Variants in ZNF195 observed in about 807,000 individuals in gnomAD.
The protein encoded by ZNF195 is zinc finger protein 195.
ZNF195 carries 11 observed loss-of-function variants against 19.5 expected under a neutral mutation model. That is an observed-to-expected ratio of 0.57 (90% confidence interval 0.36 to 0.94). ZNF195 has a LOEUF of 0.94. Ranked by LOEUF, ZNF195 falls within the 40% of genes least tolerant of loss-of-function variation. The probability of loss-of-function intolerance (pLI) is 0.01; values close to 1 mark genes in which losing one functional copy is unlikely to be tolerated. For synonymous variants in ZNF195, 214 were observed against 248.1 expected (o/e 0.86, Z 1.29); for missense variants, 582 against 709.0 (o/e 0.82, Z 2.03).
In ZNF195 at chr11:3,370,624, C is replaced by A. The variant is rs149578561; in HGVS notation, c.226+351G>T. On this transcript the variant is annotated intron_variant, in intron 3 of 5. Coordinates refer to ENST00000399602, the MANE Select transcript of ZNF195 (RefSeq NM_001130520.3). ...ACTTCAGACATGATGCAAAGGAAAT[C>A]AAAAAACATTTAACAGAGTTCCTCA... is the stretch of plus-strand genomic sequence containing the variant. 6.6e-3 allele frequency among the ~76,000 whole-genome samples: 1,001 copies of A among 152,290 alleles called. 5 individuals carry two copies. Among genetic ancestry groups the A allele is most frequent in the Middle Eastern group, 0.054 (16 of 294 alleles).
chr11:3,378,897 C>G (rs1457728629), intron 1 of ZNF195, 141 bp downstream of exon 1: 3 of 1,097,856 alleles, frequency 2.7e-6, no homozygotes, highest in East Asian at 3.2e-5. Flanking sequence ...GCGCGGGGCC[C>G]GGCCGCCATG....
chr11:3,370,483 A>C (rs1336521134), intron 3 of ZNF195, among the ~76,000 whole-genome samples: 1 of 152,248 alleles, frequency 6.6e-6, no homozygotes, highest in Non-Finnish European at 1.5e-5. Context: ...ACATTTCTGT[A>C]GACTCCCATT....
chr11:3,360,878 T>C (rs2134688344), intron 4 of ZNF195, 90 bp from the exon 5 acceptor site: 11 of 1,115,450 alleles, frequency 9.9e-6, no homozygotes, highest in African/African-American at 1.6e-5. Context: ...CCTTTAAGAG[T>C]ACACCCTCAG....
intron 3 of ZNF195, among the ~76,000 whole-genome samples, chr11:3,363,542 T>C (rs1419084211): frequency 6.6e-6 from 1 of 152,250 alleles, no homozygotes; most frequent in African/African-American, 2.4e-5. Flanking sequence ...CATTTGAGCA[T>C]GCTCTTGTTC....
intron 2 of ZNF195, 104 bp from the exon 3 acceptor site, chr11:3,371,174 T>A: frequency 9.0e-7 from 1 of 1,110,776 alleles, no homozygotes; most frequent in Non-Finnish European, 1.3e-6. Context: ...TCTAGAAAAT[T>A]AATCCCAAAA....
intron 3 of ZNF195, 172 bp downstream of exon 3, chr11:3,370,803 T>A (rs1172089923): frequency 6.9e-6 from 4 of 583,468 alleles, no homozygotes; most frequent in Non-Finnish European, 1.2e-5. Context: ...ATACAAAATT[T>A]GAGAGAATGA....
chr11:3,366,931 G>A (rs781351105), intron 3 of ZNF195: 28 of 454,042 alleles, frequency 6.2e-5, no homozygotes, highest in African/African-American at 1.2e-4. Context: ...TGGGTGTGGC[G>A]GTGTGCCCCT....
intron 3 of ZNF195, among the ~76,000 whole-genome samples, chr11:3,364,463 TATA>T (rs1848771125): frequency 6.6e-6 from 1 of 151,928 alleles, no homozygotes; most frequent in Non-Finnish European, 1.5e-5. Flanking sequence ...AAAATTCTGC[TATA>T]ATATCTGAAA....
intron 3 of ZNF195, chr11:3,367,183 A>G: frequency 3.9e-6 from 1 of 258,184 alleles, no homozygotes; most frequent in Non-Finnish European, 8.0e-6. Context: ...CTTAGAAGAG[A>G]TATTTGCACA....
At position 3,360,258 on chromosome 11, in the gene ZNF195, G is replaced by A. The variant is rs1848563872; in HGVS notation, c.750C>T (p.Gly250=). ...GEKPFKCQEC[G]KSFQMLSFLT... ...GGAATGAGAGCATTTGAAAGGATTTGCCACATTCTTGACATTTGAAAGGTT... is the reference window on the plus strand; with the variant it reads ...GGAATGAGAGCATTTGAAAGGATTTACCACATTCTTGACATTTGAAAGGTT... Residue 250 remains glycine, a synonymous_variant, in exon 6 of 6, where the codon GGC becomes GGT. Coordinates refer to ENST00000399602, the MANE Select transcript of ZNF195 (RefSeq NM_001130520.3). The A allele has an allele frequency of 6.2e-7, 1 of 1,613,776 alleles. No homozygotes were observed. The highest frequency in any genetic ancestry group is 8.5e-7 in the Non-Finnish European group (1 of 1,179,838).
At chr11:3,362,100 A>G (rs1209142107) in intron 3 of ZNF195, 5 of 394,142 alleles carry the variant, frequency 1.3e-5, no homozygotes, top group Admixed American at 5.8e-5. Context: ...ATTGGATGAG[A>G]TAGTCTAATT....
chr11:3,377,776 C>G (rs888946321), intron 1 of ZNF195: 2 of 1,022,254 alleles, frequency 2.0e-6, no homozygotes, highest in South Asian at 7.3e-5. Context: ...GGTGGGCATC[C>G]TGTGTTATCC....
intron 3 of ZNF195, among the ~76,000 whole-genome samples, chr11:3,369,901 T>C (rs1193243680): frequency 1.3e-5 from 2 of 152,252 alleles, no homozygotes; most frequent in East Asian, 3.8e-4. Flanking sequence ...GGTAATTACG[T>C]GAAGTGATAG....
In ZNF195 at chr11:3,371,010, T is replaced by C. The variant is rs776858832; in HGVS notation, c.191A>G (p.Asn64Ser). ...GTCTGCTGCCTCCTGTCTCTTCACA[T>C]TCCAGGGCTCTTTTCGTTGCTCCAG... ...TCLEQRKEPW[N>S]VKRQEAADGH... The change falls in exon 3 of 6, where the codon AAT (asparagine) becomes AGT (serine). Residue 64 changes from asparagine (N) to serine (S), a missense_variant. By Grantham distance (46) the Asn-to-Ser change is conservative (BLOSUM62 1). Coordinates refer to ENST00000399602, the MANE Select transcript of ZNF195 (RefSeq NM_001130520.3). The C allele has an allele frequency of 5.0e-6, 8 of 1,614,190 alleles. No homozygotes were observed. Among genetic ancestry groups the C allele is most frequent in the Non-Finnish European group, 6.8e-6 (8 of 1,180,006 alleles).
intron 4 of ZNF195, among the ~76,000 whole-genome samples, chr11:3,361,003 G>C (rs989258384): frequency 6.6e-6 from 1 of 152,212 alleles, no homozygotes; most frequent in Non-Finnish European, 1.5e-5. Flanking sequence ...GGAGTGCTGA[G>C]AGAAATGGTG....
intron 1 of ZNF195, chr11:3,377,601 T>A (rs1396226526): frequency 1.7e-6 from 2 of 1,165,058 alleles, no homozygotes; most frequent in African/African-American, 3.2e-5. Flanking sequence ...ACAATCTTAA[T>A]GTCCTAAGTG....
Position 3,359,092 on chromosome 11 carries a change from T to G in ZNF195, c.*26A>C. 1 of 1,520,480 alleles carries G rather than the reference T, an allele frequency of 6.6e-7. No individual in the cohort carries two copies. Among genetic ancestry groups the G allele is most frequent in the Non-Finnish European group, 8.8e-7 (1 of 1,136,824 alleles). 94.2% of individuals were successfully genotyped at this position (1,520,480 alleles called of 1,614,324 possible). A position where few individuals can be genotyped will look rare whatever the true frequency, so the allele number is the denominator to read the frequency against. On this transcript the variant is annotated 3_prime_UTR_variant, in exon 6 of 6. Coordinates refer to ENST00000399602, the MANE Select transcript of ZNF195 (RefSeq NM_001130520.3). This position sits in a 1 kb window ranked among gnomAD's most constrained non-coding sequence, Gnocchi z 5.5. ...GCGAGCAGATACTAACGGCTTTGCC[T>G]ATTTTTATATTTGTTTATTTTTTTC...
chr11:3,370,947 G>T (rs1227370215), intron 3 of ZNF195, 28 bp downstream of exon 3: 4 of 1,612,402 alleles, frequency 2.5e-6, no homozygotes, highest in African/African-American at 1.3e-5. Flanking sequence ...TCTCACCTGG[G>T]TTACCTGCTT....
intron 3 of ZNF195, chr11:3,363,515 A>G (rs1377235438): frequency 6.6e-6 from 1 of 152,240 alleles, no homozygotes; most frequent in Non-Finnish European, 1.5e-5. Flanking sequence ...TCACAAATAT[A>G]TGGAAATTAA....
Sources: gnomAD v4.1 joint callset for allele counts (sites outside exome capture counted in the v4.1 genomes callset) on GRCh38, gnomAD v4.1.1 for gene constraint, Gnocchi (gnomAD v3.1) non-coding constraint, MANE v1.5 for transcripts, NCBI Gene and HGNC (gene_info 2026-07-23, HGNC 2026-07-21) for gene names.